The following ZBTB40 variants were observed in gnomAD, a reference collection of about 807,000 sequenced individuals.
ZBTB40 encodes the protein zinc finger and BTB domain-containing protein 40.
A neutral mutation model predicts 117.5 loss-of-function variants in ZBTB40; 60 were observed. That is an observed-to-expected ratio of 0.51 (90% CI 0.41 to 0.63). ZBTB40 has a LOEUF of 0.63. Ranked by LOEUF, ZBTB40 falls within the 30% of genes least tolerant of loss-of-function variation. The pLI is 0.00. For missense variants in ZBTB40, 1,287 were observed against 1,498.5 expected (o/e 0.86, Z 2.33); for synonymous variants, 525 against 577.1 (o/e 0.91, Z 1.29).
At chr1:22,501,374 G>A (rs1638930709) in intron 3 of ZBTB40, 118 bp from the exon 4 acceptor site, 2 of 1,062,854 alleles carry the variant, frequency 1.9e-6, no homozygotes, top group Non-Finnish European at 2.9e-6. Flanking sequence ...CAGTGGGTGA[G>A]GAGCTTCAGG....
At chr1:22,518,970 C>T (rs150753411) in intron 13 of ZBTB40, among the ~76,000 whole-genome samples, 166 of 152,300 alleles carry the variant, frequency 1.1e-3, no homozygotes, top group Admixed American at 9.9e-3. Flanking sequence ...CTATATCATC[C>T]GTGGCAGGCC....
intron 1 of ZBTB40, among the ~76,000 whole-genome samples, chr1:22,441,544 A>T (rs1640733414): frequency 7.9e-6 from 1 of 127,226 alleles, no homozygotes; most frequent in South Asian, 2.7e-4. Flanking sequence ...GTGCAGTGGC[A>T]TGATCTCAGC....
At chr1:22,429,938 G>T (rs535921877) in intron 1 of ZBTB40, among the ~76,000 whole-genome samples, 1 of 151,940 alleles carries the variant, frequency 6.6e-6, no homozygotes, top group Non-Finnish European at 1.5e-5. Flanking sequence ...GGAGGGTTGC[G>T]GTGAGCTGAG....
At position 22,521,608 on chromosome 1, in the gene ZBTB40, C is replaced by A; in HGVS notation, c.3161C>A (p.Thr1054Asn). 1 of 1,614,176 alleles carries A rather than the reference C, an allele frequency of 6.2e-7. No individual in the cohort carries two copies. Among genetic ancestry groups the A allele is most frequent in the African/African-American group, 1.3e-5 (1 of 75,040 alleles). The change falls in exon 15 of 18, where the codon ACC (threonine) becomes AAC (asparagine). Residue 1054 changes from threonine to asparagine, a missense_variant. By Grantham distance (65) the Thr-to-Asn change is moderately conservative (BLOSUM62 0). Coordinates refer to ENST00000375647, the MANE Select transcript of ZBTB40 (RefSeq NM_014870.4). The part of the protein sequence containing the change: ...SSLQCSSCDK[T>N]FPNTIEHKKH... ...CTCCAGTGCAGCTCCTGTGACAAAA[C>A]CTTCCCCAACACCATTGAGCACAAG...
chr1:22,515,137 G>T (rs1172581582), intron 12 of ZBTB40, among the ~76,000 whole-genome samples: 1 of 152,186 alleles, frequency 6.6e-6, no homozygotes, highest in Non-Finnish European at 1.5e-5. Flanking sequence ...AGTGAGAGAT[G>T]GAGCCAGTGA....
At chr1:22,471,824 G>A (rs562929074) in intron 1 of ZBTB40, among the ~76,000 whole-genome samples, 1 of 152,340 alleles carries the variant, frequency 6.6e-6, no homozygotes, top group African/African-American at 2.4e-5. Flanking sequence ...TATACTCACA[G>A]CCTGGAAGCT....
At chr1:22,520,608 G>A (rs551378307) in intron 14 of ZBTB40, among the ~76,000 whole-genome samples, 4 of 152,170 alleles carry the variant, frequency 2.6e-5, no homozygotes, top group East Asian at 1.9e-4. Flanking sequence ...GCATGACAGC[G>A]GCAATGGGGA....
At chr1:22,443,642 C>T (rs113157604) in intron 1 of ZBTB40, among the ~76,000 whole-genome samples, 125 of 152,328 alleles carry the variant, frequency 8.2e-4, no homozygotes, top group Admixed American at 1.5e-3. Context: ...TTAAATCTCT[C>T]CTGGATCCGG....
At chr1:22,482,050 C>T (rs1412746987) in intron 1 of ZBTB40, among the ~76,000 whole-genome samples, 2 of 151,974 alleles carry the variant, frequency 1.3e-5, no homozygotes, top group Non-Finnish European at 2.9e-5. Context: ...CCTACTAGAG[C>T]TACTTCTATT....
intron 1 of ZBTB40, among the ~76,000 whole-genome samples, chr1:22,475,792 C>T (rs1641538000): frequency 6.6e-6 from 1 of 152,168 alleles, no homozygotes; most frequent in South Asian, 2.1e-4. Context: ...TTTCCTTTTG[C>T]TCCCACACAG....
intron 1 of ZBTB40, among the ~76,000 whole-genome samples, chr1:22,441,473 C>CTTTTTTTTTTTTTTTTTTTTT (rs71020419): frequency 8.1e-5 from 6 of 73,714 alleles, no homozygotes; most frequent in South Asian, 6.1e-4. Flanking sequence ...TATTTGCTTT[C>CTTTTTTTTTTTTTTTTTTTTT]TTTTTTTTTT....
At chr1:22,491,139 C>A (rs1208242844) in intron 2 of ZBTB40, among the ~76,000 whole-genome samples, 2 of 152,200 alleles carry the variant, frequency 1.3e-5, no homozygotes, top group African/African-American at 4.8e-5. Flanking sequence ...TCATGATCCA[C>A]CCGCCTCAGC....
intron 1 of ZBTB40, among the ~76,000 whole-genome samples, chr1:22,438,130 C>T (rs955466926): frequency 5.3e-5 from 8 of 151,850 alleles, no homozygotes; most frequent in South Asian, 2.1e-4. Context: ...AACTCCATCT[C>T]GAAAAAAACA....
intron 17 of ZBTB40, among the ~76,000 whole-genome samples, chr1:22,525,455 C>G (rs1412755796): frequency 6.6e-6 from 1 of 152,136 alleles, no homozygotes; most frequent in Non-Finnish European, 1.5e-5. Context: ...TGGCTGTGGC[C>G]TCTAGTTTAA....
intron 12 of ZBTB40, among the ~76,000 whole-genome samples, chr1:22,516,710 G>A (rs1010842234): frequency 1.3e-5 from 2 of 152,160 alleles, no homozygotes; most frequent in Non-Finnish European, 2.9e-5. Context: ...TGGAGGTTCA[G>A]TTGGTCTAGC....
intron 2 of ZBTB40, among the ~76,000 whole-genome samples, chr1:22,490,893 T>C (rs1397938805): frequency 2.0e-5 from 3 of 152,158 alleles, no homozygotes; most frequent in Non-Finnish European, 4.4e-5. Flanking sequence ...TGTTTCGTTT[T>C]GTTTTGTTTT....
At chr1:22,518,976 A>G (rs1490455594) in intron 13 of ZBTB40, among the ~76,000 whole-genome samples, 3 of 152,240 alleles carry the variant, frequency 2.0e-5, no homozygotes, top group Admixed American at 2.0e-4. Context: ...CATCCGTGGC[A>G]GGCCTAGCAT....
At chr1:22,476,844 A>G (rs1485274713) in intron 1 of ZBTB40, among the ~76,000 whole-genome samples, 2 of 152,158 alleles carry the variant, frequency 1.3e-5, no homozygotes, top group Non-Finnish European at 2.9e-5. Context: ...TCAGTTAAGT[A>G]CTTAATAACA....
chr1:22,475,548 T>C (rs1381884396), intron 1 of ZBTB40, among the ~76,000 whole-genome samples: 1 of 152,246 alleles, frequency 6.6e-6, no homozygotes, highest in East Asian at 1.9e-4. Context: ...TGTCTGCAAT[T>C]CTTTTTCTTT....
Sources: gnomAD v4.1 joint callset for allele counts (sites outside exome capture counted in the v4.1 genomes callset) on GRCh38, gnomAD v4.1.1 for gene constraint, MANE v1.5 for transcripts, NCBI Gene and HGNC (gene_info 2026-07-23, HGNC 2026-07-21) for gene names.